Variants in SP1 observed in about 807,000 individuals in gnomAD.
SP1 encodes the protein Sp1 transcription factor, also known as transcription factor Sp1.
SP1 carries 6 observed loss-of-function variants against 66.3 expected under a neutral mutation model. That is an observed-to-expected ratio of 0.09 (90% confidence interval 0.05 to 0.18). The LOEUF (loss-of-function observed/expected upper bound fraction) is 0.18, where lower values mean the gene tolerates loss of function less well. SP1 is among the 10% of genes least tolerant of loss of function. The pLI is 1.00. For missense variants in SP1, 848 were observed against 964.5 expected, an observed-to-expected ratio of 0.88 and a Z score of 1.60; for synonymous variants, 417 against 360.8, an observed-to-expected ratio of 1.16 and a Z score of -1.77.
At chr12:53,385,217 C>T (rs1332973038) in intron 3 of SP1, among the ~76,000 whole-genome samples, 1 of 151,624 alleles carries the variant, frequency 6.6e-6, no homozygotes, top group Non-Finnish European at 1.5e-5. Context: ...TTGCTTGAAC[C>T]TGGGAGGCAG....
chr12:53,393,184 C>G (rs1321064929), intron 3 of SP1, among the ~76,000 whole-genome samples: 1 of 152,078 alleles, frequency 6.6e-6, no homozygotes, highest in East Asian at 1.9e-4. Flanking sequence ...GGTAGTGGCT[C>G]AAGTCTGTAA....
rs1410150954 is a variant in SP1, at chr12:53,412,326, T to TC, written c.*1087dup. 6.6e-6 allele frequency: 1 copy of TC among 152,662 alleles called. No homozygotes were observed. The highest frequency in any genetic ancestry group is 1.5e-5 in the Non-Finnish European group (1 of 68,046). The allele number at this position is 152,662 out of a possible 1,614,324, so 9.5% of individuals were successfully genotyped here. A position where few individuals can be genotyped will look rare whatever the true frequency, so the allele number is the denominator to read the frequency against. On this transcript the variant is annotated 3_prime_UTR_variant, in exon 6 of 6. Transcript: ENST00000327443. ...GGCTTTCACTAGGAAAATCATGTGC[T>TC]CAGAAGAGGAAATGACTCGTAGTCA... is the stretch of plus-strand genomic sequence containing the variant.
At chr12:53,393,683 C>T (rs901637802) in intron 3 of SP1, among the ~76,000 whole-genome samples, 8 of 150,504 alleles carry the variant, frequency 5.3e-5, no homozygotes, top group African/African-American at 7.3e-5. Context: ...CTGCAACATC[C>T]GCCTCCTGGG....
chr12:53,386,814 G>T (rs1490353845), intron 3 of SP1, among the ~76,000 whole-genome samples: 1 of 151,676 alleles, frequency 6.6e-6, no homozygotes, highest in Non-Finnish European at 1.5e-5. Flanking sequence ...AAATTCCATT[G>T]TATGGAGCTA....
intron 3 of SP1, among the ~76,000 whole-genome samples, chr12:53,403,389 G>A (rs1379678906): frequency 1.3e-5 from 2 of 152,036 alleles, no homozygotes; most frequent in African/African-American, 4.8e-5. Context: ...GATGGGCTCT[G>A]TCACCCAGGC....
intron 3 of SP1, among the ~76,000 whole-genome samples, chr12:53,390,454 G>C (rs1361121554): frequency 1.3e-5 from 2 of 152,094 alleles, no homozygotes; most frequent in African/African-American, 4.8e-5. Context: ...AGGCCAAGGC[G>C]GGTGGACTGC....
chr12:53,393,540 C>T (rs146312754), intron 3 of SP1, among the ~76,000 whole-genome samples: 2 of 151,588 alleles, frequency 1.3e-5, no homozygotes, highest in East Asian at 3.9e-4. Context: ...ACCTCAGCCT[C>T]CCAAAGTGTT....
chr12:53,383,546 C>T lies in SP1; in HGVS notation c.1599C>T (p.Asn533=), dbSNP rs774295522. 2.2e-5 allele frequency: 36 copies of T among 1,614,022 alleles called. No individual in the cohort carries two copies. The highest frequency in any genetic ancestry group is 2.6e-5 in the Non-Finnish European group (31 of 1,180,046). Residue 533 remains asparagine (N), a synonymous_variant, in exon 3 of 6, where the codon AAC becomes AAT. Coordinates refer to ENST00000327443, the MANE Select transcript of SP1 (RefSeq NM_138473.3). ...LSSMPGLQTI[N]LSALGTSGIQ... Reference sequence around the variant, plus strand: ...CCATGCCAGGCCTCCAGACCATTAACCTCAGTGCATTGGGTACTTCAGGAA... The same window carrying T: ...CCATGCCAGGCCTCCAGACCATTAATCTCAGTGCATTGGGTACTTCAGGAA...
At chr12:53,380,433 G>T in intron 1 of SP1, 135 bp downstream of exon 1, 1 of 778,940 alleles carries the variant, frequency 1.3e-6, no homozygotes, top group Non-Finnish European at 1.8e-6. Flanking sequence ...GTCCCGCCCG[G>T]GGCGGAGGGA....
chr12:53,381,510 C>T, intron 1 of SP1, 149 bp from the exon 2 acceptor site: 1 of 630,424 alleles, frequency 1.6e-6, no homozygotes, highest in Non-Finnish European at 2.7e-6. Flanking sequence ...CCCTGCAGCT[C>T]CCCTCTGCCC....
At position 53,383,219 on chromosome 12, in the gene SP1, C is replaced by T. The variant is rs758273728; in HGVS notation, c.1272C>T (p.Thr424=). Reference sequence around the variant, plus strand: ...AAGCAGCACCATTGTCAGGGCAGACCTTTACAACTCAAGCCATCTCCCAGG... The same window carrying T: ...AAGCAGCACCATTGTCAGGGCAGACTTTTACAACTCAAGCCATCTCCCAGG... ...ALQAAPLSGQ[T]FTTQAISQET... Residue 424 remains threonine, a synonymous_variant, in exon 3 of 6, where the codon ACC becomes ACT. Transcript: ENST00000327443. 3 of 1,614,206 alleles carry T rather than the reference C, an allele frequency of 1.9e-6. No homozygotes were observed. The highest frequency in any genetic ancestry group is 1.6e-4 in the Middle Eastern group (1 of 6,062).
chr12:53,390,792 A>G (rs1462441430), intron 3 of SP1, among the ~76,000 whole-genome samples: 1 of 152,202 alleles, frequency 6.6e-6, no homozygotes, highest in African/African-American at 2.4e-5. Context: ...CTTTCTCTTT[A>G]TAAATGACGT....
At chr12:53,393,672 A>G (rs1938406794) in intron 3 of SP1, among the ~76,000 whole-genome samples, 1 of 148,228 alleles carries the variant, frequency 6.7e-6, no homozygotes, top group Non-Finnish European at 1.5e-5. Context: ...ATCTTGGCTC[A>G]CTGCAACATC....
rs550258556 is a variant in SP1 at position 53,414,637 on chromosome 12, C to A, written c.*3397C>A. 1.4e-4 allele frequency: 22 copies of A among 152,304 alleles called. No homozygotes were observed. Among genetic ancestry groups the A allele is most frequent in the African/African-American group, 5.3e-4 (22 of 41,414 alleles). 9.4% of individuals were successfully genotyped at this position (152,304 alleles called of 1,614,324 possible). A position where few individuals can be genotyped will look rare whatever the true frequency, so the allele number is the denominator to read the frequency against. ...AAACTAAGCATTGTATTTTTTTTAACAAATCTAAAAAAGCACTATGAACTA... is the reference window on the plus strand; with the variant it reads ...AAACTAAGCATTGTATTTTTTTTAAAAAATCTAAAAAAGCACTATGAACTA... On this transcript the variant is annotated 3_prime_UTR_variant, in exon 6 of 6. Coordinates refer to ENST00000327443, the MANE Select transcript of SP1 (RefSeq NM_138473.3).
chr12:53,409,419 G>A lies in SP1; in HGVS notation c.1902G>A (p.Gly634=), dbSNP rs1299907968. The part of the protein sequence containing the change: ...KQHICHIQGC[G]KVYGKTSHLR... ...ATATTTGCCACATCCAAGGCTGTGGGAAAGTGTATGGCAAGACCTCTCACC... is the reference window on the plus strand; with the variant it reads ...ATATTTGCCACATCCAAGGCTGTGGAAAAGTGTATGGCAAGACCTCTCACC... The change falls in exon 5 of 6, where the codon GGG becomes GGA. Residue 634 remains glycine (G), a synonymous_variant. Transcript: ENST00000327443. The A allele has an allele frequency of 1.9e-6, 3 of 1,613,978 alleles. No homozygotes were observed. The highest frequency in any genetic ancestry group is 3.3e-4 in the Middle Eastern group (2 of 6,080).
At position 53,408,872 on chromosome 12, in the gene SP1, C is replaced by T. The variant is rs142816164; in HGVS notation, c.1845-490C>T. Among the ~76,000 whole-genome samples, 785 of 151,042 alleles carry T rather than the reference C, an allele frequency of 5.2e-3. 15 individuals are homozygous for T. The highest frequency in any genetic ancestry group is 0.017 in the African/African-American group (711 of 41,080). ...AGTGAGCCAAGATTGCGCTATTACACTCCAGCCTGGGCGACAGAGCGAGAC... is the reference window on the plus strand; with the variant it reads ...AGTGAGCCAAGATTGCGCTATTACATTCCAGCCTGGGCGACAGAGCGAGAC... On this transcript the variant is annotated intron_variant, in intron 4 of 5. Transcript: ENST00000327443.
chr12:53,382,782 C>T lies in SP1; in HGVS notation c.835C>T (p.Pro279Ser). 3 of 1,614,176 alleles carry T rather than the reference C, an allele frequency of 1.9e-6. No homozygotes were observed. The highest frequency in any genetic ancestry group is 2.5e-6 in the Non-Finnish European group (3 of 1,180,024). ...CAGCGTTTCTGCAGCTACCTTGACT[C>T]CCAGCTCTCAGGCAGTCACGATCAG... ...VNSVSAATLTPSSQAVTISSS... is the reference protein window; with the variant it reads ...VNSVSAATLTSSSQAVTISSS... Residue 279 changes from proline (P) to serine (S), a missense_variant, in exon 3 of 6, where the codon CCC (proline) becomes TCC (serine). Pro to Ser is a moderately conservative substitution (Grantham distance 74). Coordinates refer to ENST00000327443, the MANE Select transcript of SP1 (RefSeq NM_138473.3).
At chr12:53,380,603 C>A in intron 1 of SP1, 1 of 1,015,384 alleles carries the variant, frequency 9.8e-7, no homozygotes, top group Non-Finnish European at 1.2e-6. Context: ...TGAGGCTCCT[C>A]CCGCCGGGGG....
intron 3 of SP1, among the ~76,000 whole-genome samples, chr12:53,394,323 C>T (rs571610824): frequency 2.3e-5 from 3 of 129,770 alleles, no homozygotes; most frequent in African/African-American, 5.8e-5. Flanking sequence ...GATAAAAAGC[C>T]CTTAACTGTG....
Sources: gnomAD v4.1 joint callset for allele counts (sites outside exome capture counted in the v4.1 genomes callset) on GRCh38, gnomAD v4.1.1 for gene constraint, MANE v1.5 for transcripts, NCBI Gene and HGNC (gene_info 2026-07-23, HGNC 2026-07-21) for gene names.